The following FAR2 variants were observed in gnomAD, a reference collection of about 807,000 sequenced individuals.
The protein encoded by FAR2 is fatty acyl-CoA reductase 2, also known as epididymis secretory protein Li 81.
Under a neutral mutation model 56.0 loss-of-function variants are expected in FAR2, and 19 were observed. That is an observed-to-expected ratio of 0.34 (90% CI 0.24 to 0.50). FAR2 has a LOEUF of 0.50. Ranked by LOEUF, FAR2 falls within the 20% of genes least tolerant of loss-of-function variation. FAR2 has a pLI of 0.98. For synonymous variants in FAR2, 219 were observed against 218.8 expected (o/e 1.00, Z -0.01); for missense variants, 508 against 642.2 (o/e 0.79, Z 2.26).
intron 1 of FAR2, among the ~76,000 whole-genome samples, chr12:29,149,965 C>T (rs1382394557): frequency 6.6e-6 from 1 of 152,212 alleles, no homozygotes; most frequent in South Asian, 2.1e-4. Flanking sequence ...AGGCTGCGCA[C>T]GTCCCTACCC....
intron 1 of FAR2, among the ~76,000 whole-genome samples, chr12:29,158,576 G>A (rs559407284): frequency 2.6e-5 from 4 of 152,310 alleles, no homozygotes; most frequent in East Asian, 3.9e-4. Flanking sequence ...TGCAAGTGCC[G>A]CTGAATGCAT....
chr12:29,209,774 A>G (rs1271852872), intron 1 of FAR2, among the ~76,000 whole-genome samples: 2 of 152,116 alleles, frequency 1.3e-5, no homozygotes, highest in African/African-American at 2.4e-5. Flanking sequence ...ATAGTGAACT[A>G]AAAAGCAGAT....
chr12:29,190,834 C>T (rs1299077908), intron 1 of FAR2, among the ~76,000 whole-genome samples: 1 of 152,178 alleles, frequency 6.6e-6, no homozygotes, highest in African/African-American at 2.4e-5. Flanking sequence ...GTTCCACTGA[C>T]AATCAGAAGA....
intron 1 of FAR2, among the ~76,000 whole-genome samples, chr12:29,187,480 A>T (rs939801525): frequency 6.6e-6 from 1 of 152,184 alleles, no homozygotes; most frequent in African/African-American, 2.4e-5. Flanking sequence ...CTTTAAACAC[A>T]GCAAACCATA....
Position 29,296,884 on chromosome 12 carries a change from C to G in FAR2, c.366-137C>G, listed in dbSNP as rs528618469. On this transcript the variant is annotated intron_variant, in intron 3 of 11. Transcript: ENST00000536681. ...GTATCACATAACTGTGTAGCCATGA[C>G]CCATCCTTCTCTTCCTGGTGTTTTG... The G allele has an allele frequency of 1.3e-3, 909 of 706,434 alleles. 5 individuals carry two copies. The highest frequency in any genetic ancestry group is 6.1e-4 in the Non-Finnish European group (255 of 416,988). 43.8% of individuals were successfully genotyped at this position (706,434 alleles called of 1,614,324 possible). A position where few individuals can be genotyped will look rare whatever the true frequency, so the allele number is the denominator to read the frequency against.
intron 1 of FAR2, among the ~76,000 whole-genome samples, chr12:29,208,861 C>T (rs968893194): frequency 8.6e-5 from 13 of 151,900 alleles, no homozygotes; most frequent in East Asian, 5.8e-4. Context: ...CTTAGTAGTG[C>T]GGGGAAAATG....
intron 1 of FAR2, among the ~76,000 whole-genome samples, chr12:29,227,628 C>G (rs1035049107): frequency 6.6e-6 from 1 of 152,098 alleles, no homozygotes; most frequent in Non-Finnish European, 1.5e-5. Flanking sequence ...AACTGATTGT[C>G]TCCAGGCAGT....
At chr12:29,285,573 G>GGGAAGGAA (rs376222431) in intron 2 of FAR2, among the ~76,000 whole-genome samples, 2,146 of 151,966 alleles carry the variant, frequency 0.014, 56 homozygotes, top group African/African-American at 0.048. Context: ...GAGGGAAGGA[G>GGGAAGGAA]GGAAGGAAGG....
chr12:29,153,405 G>T (rs1056447210), intron 1 of FAR2, among the ~76,000 whole-genome samples: 12 of 152,182 alleles, frequency 7.9e-5, no homozygotes, highest in Non-Finnish European at 1.6e-4. Context: ...AAGGTCTTAA[G>T]AGAAAACGCT....
At chr12:29,228,537 G>T (rs1947804437) in intron 1 of FAR2, among the ~76,000 whole-genome samples, 1 of 152,140 alleles carries the variant, frequency 6.6e-6, no homozygotes, top group South Asian at 2.1e-4. Context: ...AATCTCTGAA[G>T]TACAGATGTC....
chr12:29,271,454 T>A (rs1373049104), intron 2 of FAR2, among the ~76,000 whole-genome samples: 2 of 152,206 alleles, frequency 1.3e-5, no homozygotes, highest in Admixed American at 6.5e-5. Context: ...AATGTACATA[T>A]GTTGTTCATA....
chr12:29,157,930 A>G (rs1273698818), intron 1 of FAR2, among the ~76,000 whole-genome samples: 1 of 152,214 alleles, frequency 6.6e-6, no homozygotes, highest in East Asian at 1.9e-4. Context: ...AGAAACTGTA[A>G]CAAGTCAGTG....
Position 29,174,892 on chromosome 12 carries a change from CTTG to C in FAR2, c.-39+25492_-39+25494del, listed in dbSNP as rs375792640. Among the ~76,000 whole-genome samples, 279 of 152,338 alleles carry C rather than the reference CTTG, an allele frequency of 1.8e-3. 2 individuals are homozygous for C. The highest frequency in any genetic ancestry group is 6.6e-3 in the African/African-American group (273 of 41,584). ...CACTCATGGCCACAAGGTCAACCAA[CTTG>C]TTGTTGGGACCCCGAAGCTGAATGG... On this transcript the variant is annotated intron_variant, in intron 1 of 11. Coordinates refer to ENST00000536681, the MANE Select transcript of FAR2 (RefSeq NM_001271783.2).
chr12:29,263,667 G>A (rs1315023545), intron 1 of FAR2, among the ~76,000 whole-genome samples: 2 of 117,900 alleles, frequency 1.7e-5, no homozygotes, highest in East Asian at 4.8e-4. Flanking sequence ...TTCTTGGTAG[G>A]TTGTACATTC....
intron 1 of FAR2, among the ~76,000 whole-genome samples, chr12:29,160,326 C>A (rs928522525): frequency 3.9e-5 from 6 of 152,204 alleles, no homozygotes; most frequent in Non-Finnish European, 5.9e-5. Flanking sequence ...AGGATTATGT[C>A]ATTCCCCTGC....
At chr12:29,182,436 T>G (rs2136598540) in intron 1 of FAR2, among the ~76,000 whole-genome samples, 1 of 152,352 alleles carries the variant, frequency 6.6e-6, no homozygotes, top group African/African-American at 2.4e-5. Flanking sequence ...TGCTGGTTGG[T>G]GCATTTACAG....
At chr12:29,302,235 G>C (rs1949182560) in intron 4 of FAR2, among the ~76,000 whole-genome samples, 1 of 25,542 alleles carries the variant, frequency 3.9e-5, no homozygotes, top group East Asian at 1.2e-3. Context: ...CCATCTCAAA[G>C]GAAAAAAAAA....
At chr12:29,192,871 G>A (rs1020259434) in intron 1 of FAR2, among the ~76,000 whole-genome samples, 1 of 151,082 alleles carries the variant, frequency 6.6e-6, no homozygotes, top group South Asian at 2.1e-4. Context: ...GAAAGCAAGA[G>A]ACTCAAAACA....
intron 2 of FAR2, among the ~76,000 whole-genome samples, chr12:29,278,356 C>G (rs1370667057): frequency 2.0e-5 from 3 of 151,934 alleles, no homozygotes; most frequent in Non-Finnish European, 4.4e-5. Context: ...TTTTAAATTT[C>G]TGAGACATGG....
Sources: allele counts gnomAD v4.1 joint callset (sites outside exome capture counted in the v4.1 genomes callset), GRCh38; gene constraint gnomAD v4.1.1; transcripts MANE v1.5; gene names NCBI Gene and HGNC (gene_info 2026-07-23, HGNC 2026-07-21).